AFF1: variants seen among roughly 807,000 people sequenced by gnomAD.
The protein encoded by AFF1 is AF4/FMR2 family member 1.
AFF1 carries 48 observed loss-of-function variants against 121.7 expected under a neutral mutation model. The ratio of observed to expected loss-of-function variants is 0.39; its 90% CI spans 0.31 to 0.50. The LOEUF (loss-of-function observed/expected upper bound fraction) is 0.50, where lower values mean the gene tolerates loss of function less well. Among genes scored for constraint, AFF1 ranks in the 20% least tolerant of loss-of-function variants. The pLI is 0.76. For missense variants in AFF1, 1,523 were observed against 1,511.7 expected (o/e 1.01, Z -0.12); for synonymous variants, 613 against 563.0 (o/e 1.09, Z -1.26).
chr4:86,938,485 G>T (rs1376006485), intron 1 of AFF1, among the ~76,000 whole-genome samples: 1 of 150,164 alleles, frequency 6.7e-6, no homozygotes, highest in Non-Finnish European at 1.5e-5. Flanking sequence ...AAAAAAGTAA[G>T]TGTATTTACC....
At chr4:87,088,882 A>T (rs1310264110) in intron 5 of AFF1, among the ~76,000 whole-genome samples, 1 of 152,146 alleles carries the variant, frequency 6.6e-6, no homozygotes, top group Admixed American at 6.5e-5. Flanking sequence ...AGTAGCTGGG[A>T]TTACAGGCAT....
intron 4 of AFF1, among the ~76,000 whole-genome samples, chr4:87,080,323 A>G (rs17668899): frequency 0.013 from 2,052 of 152,342 alleles, 17 homozygotes; most frequent in South Asian, 0.043. Context: ...TCATGCAACT[A>G]TCATAGAAAT....
intron 2 of AFF1, among the ~76,000 whole-genome samples, chr4:86,992,248 G>A (rs1724789621): frequency 6.6e-6 from 1 of 151,984 alleles, no homozygotes; most frequent in Non-Finnish European, 1.5e-5. Flanking sequence ...ATTTTCTTGG[G>A]GCCTCATTTT....
Position 87,137,487 on chromosome 4 carries a change from G to T in AFF1, c.*1786G>T, listed in dbSNP as rs1180921811. 2 of 220,998 alleles carry T rather than the reference G, an allele frequency of 9.0e-6. No individual in the cohort carries two copies. The highest frequency in any genetic ancestry group is 1.8e-5 in the Non-Finnish European group (2 of 113,422). The allele number at this position is 220,998 out of a possible 1,614,324, so 13.7% of individuals were successfully genotyped here. A position where few individuals can be genotyped will look rare whatever the true frequency, so the allele number is the denominator to read the frequency against. On this transcript the variant is annotated 3_prime_UTR_variant, in exon 21 of 21. Transcript: ENST00000395146. ...TTCTTCTCCAGACTGTTCTTTGGTTGTCACTAAGTCAGAGGTCTGGTCCCT... is the reference window on the plus strand; with the variant it reads ...TTCTTCTCCAGACTGTTCTTTGGTTTTCACTAAGTCAGAGGTCTGGTCCCT...
chr4:86,986,060 T>C (rs1206836783), intron 2 of AFF1, among the ~76,000 whole-genome samples: 2 of 151,312 alleles, frequency 1.3e-5, no homozygotes, highest in African/African-American at 4.9e-5. Context: ...TAATTTAATT[T>C]AATTTAATTT....
chr4:86,998,098 CAAAAAAAA>C lies in AFF1; in HGVS notation c.39-48046_39-48039del, dbSNP rs56741955. 3.3e-4 allele frequency among the ~76,000 whole-genome samples: 30 copies of C among 91,752 alleles called. 1 individual carries two copies. Among genetic ancestry groups the C allele is most frequent in the Admixed American group, 1.1e-3 (9 of 8,006 alleles). The allele number at this position is 91,752 out of a possible 152,430, so 60.2% of individuals were successfully genotyped here. A position where few individuals can be genotyped will look rare whatever the true frequency, so the allele number is the denominator to read the frequency against. On this transcript the variant is annotated intron_variant, in intron 2 of 20. Transcript: ENST00000395146. ...AGGCAATAAGAGCGAAACTCCGTCTCAAAAAAAAAAAAAAAAAAAAAAAAAAAAACAAG... is the reference window on the plus strand; with the variant it reads ...AGGCAATAAGAGCGAAACTCCGTCTCAAAAAAAAAAAAAAAAAAAAACAAG...
intron 2 of AFF1, among the ~76,000 whole-genome samples, chr4:87,022,578 ATATATC>A (rs1217333546): frequency 2.6e-4 from 23 of 87,224 alleles, no homozygotes; most frequent in African/African-American, 1.1e-3. Flanking sequence ...ATATATATAT[ATATATC>A]TATCTATATC....
At chr4:86,945,575 C>T (rs1720803573) in intron 1 of AFF1, among the ~76,000 whole-genome samples, 1 of 146,026 alleles carries the variant, frequency 6.8e-6, no homozygotes, top group Non-Finnish European at 1.5e-5. Flanking sequence ...TCACAGTTCA[C>T]TGCAGCTTCC....
chr4:87,007,345 C>T (rs1280396367), intron 2 of AFF1: 2 of 1,610,340 alleles, frequency 1.2e-6, no homozygotes, highest in African/African-American at 2.7e-5. Context: ...GCGGCGCTGG[C>T]AGCAGGGCCC....
Position 87,115,125 on chromosome 4 carries a change from C to G in AFF1, c.2292C>G (p.Pro764=). The G allele has an allele frequency of 6.2e-7, 1 of 1,614,182 alleles. No individual in the cohort carries two copies. The highest frequency in any genetic ancestry group is 8.5e-7 in the Non-Finnish European group (1 of 1,180,040). The change falls in exon 12 of 21, where the codon CCC becomes CCG. Residue 764 remains proline (P), a synonymous_variant. Transcript: ENST00000395146. The part of the protein sequence containing the change: ...KLLSPLRDTP[P]PQSLMVKITL... ...TCTCACCGCTCAGGGACACTCCTCCCCCACAAAGCTTGATGGTGAAGATCA... is the reference window on the plus strand; with the variant it reads ...TCTCACCGCTCAGGGACACTCCTCCGCCACAAAGCTTGATGGTGAAGATCA...
At chr4:86,938,797 A>G (rs1720237122) in intron 1 of AFF1, among the ~76,000 whole-genome samples, 2 of 152,366 alleles carry the variant, frequency 1.3e-5, no homozygotes, top group Non-Finnish European at 1.5e-5. Context: ...ACTTGACACC[A>G]TGAGACCCCA....
chr4:87,108,609 A>C (rs1037538454), intron 11 of AFF1, among the ~76,000 whole-genome samples: 1 of 152,204 alleles, frequency 6.6e-6, no homozygotes, highest in African/African-American at 2.4e-5. Context: ...GACTGTTTGC[A>C]CACCATTTTC....
chr4:86,957,881 A>C (rs1049152137), intron 2 of AFF1, among the ~76,000 whole-genome samples: 3 of 152,058 alleles, frequency 2.0e-5, no homozygotes, highest in East Asian at 1.9e-4. Flanking sequence ...CATACTTAAA[A>C]AAACAAACAA....
chr4:86,949,587 G>A, intron 2 of AFF1: 3 of 1,073,692 alleles, frequency 2.8e-6, no homozygotes, highest in Non-Finnish European at 4.1e-6. Flanking sequence ...TTTATTCCGG[G>A]TGCTGGAGAG....
chr4:87,090,027 C>G lies in AFF1; in HGVS notation c.1148C>G (p.Thr383Arg), dbSNP rs146841231. The part of the protein sequence containing the change: ...SWPPPLTAIH[T>R]PSTAEPSKFP... Reference sequence around the variant, plus strand: ...CCGCCTCCTTTGACAGCAATACATACGCCTAGTACAGCTGAGCCATCCAAG... The same window carrying G: ...CCGCCTCCTTTGACAGCAATACATAGGCCTAGTACAGCTGAGCCATCCAAG... Residue 383 changes from threonine to arginine, a missense_variant, in exon 6 of 21, where the codon ACG becomes AGG. Around this residue, in one of 5 missense-constraint regions of AFF1, gnomAD observed 905 missense variants for 842.5 expected, o/e 1.07. Transcript: ENST00000395146. 6.2e-7 allele frequency: 1 copy of G among 1,613,792 alleles called. No individual in the cohort carries two copies. The highest frequency in any genetic ancestry group is 1.1e-5 in the South Asian group (1 of 91,082).
intron 2 of AFF1, among the ~76,000 whole-genome samples, chr4:87,022,948 A>T (rs1237443283): frequency 6.6e-6 from 1 of 151,784 alleles, no homozygotes; most frequent in South Asian, 2.1e-4. Context: ...TGTTGCCCAG[A>T]CTGGAGTGTA....
intron 2 of AFF1, among the ~76,000 whole-genome samples, chr4:87,034,149 G>GA (rs997675454): frequency 7.2e-5 from 11 of 152,222 alleles, no homozygotes; most frequent in Middle Eastern, 3.2e-3. Context: ...TATTAGTGGA[G>GA]AGAGAGCGAG....
intron 5 of AFF1, among the ~76,000 whole-genome samples, chr4:87,084,645 T>C (rs564469900): frequency 4.1e-4 from 62 of 152,194 alleles, no homozygotes; most frequent in African/African-American, 1.5e-3. Flanking sequence ...CTTTTAACCA[T>C]TTCTCCCCCA....
In AFF1 at chr4:86,948,512, C is replaced by A; in HGVS notation, c.-22C>A. 1 of 1,536,242 alleles carries A rather than the reference C, an allele frequency of 6.5e-7. No individual in the cohort carries two copies. Among genetic ancestry groups the A allele is most frequent in the South Asian group, 1.2e-5 (1 of 83,952 alleles). ...TTCTCTTTCAGATGAACAGACTAGC[C>A]ACTTTGCATTGACTGGAAACAATGG... On this transcript the variant is annotated 5_prime_UTR_variant, in exon 2 of 21. Transcript: ENST00000395146.
Sources: allele counts gnomAD v4.1 joint callset (sites outside exome capture counted in the v4.1 genomes callset), GRCh38; gene constraint gnomAD v4.1.1; regional missense constraint gnomAD v4.1.1; transcripts MANE v1.5; gene names NCBI Gene and HGNC (gene_info 2026-07-23, HGNC 2026-07-21).